Variants in HECW2 observed in about 807,000 individuals in gnomAD.
The protein encoded by HECW2 is HECT, C2 and WW domain containing E3 ubiquitin protein ligase 2.
In HECW2, 61 loss-of-function variants were observed where a neutral mutation model predicts 175.2. That is an observed-to-expected ratio of 0.35 (90% CI 0.28 to 0.43). The LOEUF (loss-of-function observed/expected upper bound fraction) is 0.43, where lower values mean the gene tolerates loss of function less well. HECW2 is among the 20% of genes least tolerant of loss of function. HECW2 has a pLI of 1.00. For missense variants in HECW2, 1,524 were observed against 2,000.5 expected, an observed-to-expected ratio of 0.76 and a Z score of 4.54; for synonymous variants, 671 against 731.0, an observed-to-expected ratio of 0.92 and a Z score of 1.32.
rs936884576 is a variant in HECW2 at position 196,258,090 on chromosome 2, T to A, written c.3336-184A>T. 7.1e-6 allele frequency: 4 copies of A among 560,692 alleles called. No homozygotes were observed. The African/African-American group carries it at 7.6e-5, about 11-fold the overall frequency. 34.7% of individuals were successfully genotyped at this position (560,692 alleles called of 1,614,324 possible). The stretch of plus-strand genomic sequence containing the variant: ...TGGTCTTTGCCTTCAAGGGGGGGGA[T>A]CTTGTAAGCATCAACACCTCCCAGT... On this transcript the variant is annotated intron_variant, in intron 17 of 28. Coordinates refer to ENST00000644978, the MANE Select transcript of HECW2 (RefSeq NM_001348768.2).
intron 3 of HECW2, among the ~76,000 whole-genome samples, chr2:196,343,001 A>G (rs1692815514): frequency 6.6e-6 from 1 of 150,950 alleles, no homozygotes; most frequent in Non-Finnish European, 1.5e-5. Context: ...TATACTATAT[A>G]TATTTTTGTA....
At chr2:196,488,456 TC>T (rs1687082270) in intron 1 of HECW2, among the ~76,000 whole-genome samples, 1 of 152,212 alleles carries the variant, frequency 6.6e-6, no homozygotes, top group Non-Finnish European at 1.5e-5. Flanking sequence ...GACAATGAGC[TC>T]TATTCCCTTT....
rs554048264 is a variant in HECW2 at position 196,224,780 on chromosome 2, A to C, written c.4016+992T>G. ...GTCAGTATAGACTAGTTTTTCAGGAAGCTTAAATGAGAAGATAAGAGATAA... is the reference window on the plus strand; with the variant it reads ...GTCAGTATAGACTAGTTTTTCAGGACGCTTAAATGAGAAGATAAGAGATAA... On this transcript the variant is annotated intron_variant, in intron 23 of 28. Coordinates refer to ENST00000644978, the MANE Select transcript of HECW2 (RefSeq NM_001348768.2). Among the ~76,000 whole-genome samples, 196 of 152,308 alleles carry C rather than the reference A, an allele frequency of 1.3e-3. 2 individuals carry two copies. The highest frequency in any genetic ancestry group is 4.4e-3 in the African/African-American group (184 of 41,568).
chr2:196,257,965 G>A, intron 17 of HECW2, 59 bp from the exon 18 acceptor site: 2 of 1,193,346 alleles, frequency 1.7e-6, no homozygotes, highest in Non-Finnish European at 2.5e-6. Flanking sequence ...CTATAACTCA[G>A]TAGTAAAGAG....
chr2:196,259,482 T>C (rs1332733106), intron 17 of HECW2, among the ~76,000 whole-genome samples: 1 of 152,220 alleles, frequency 6.6e-6, no homozygotes, highest in African/African-American at 2.4e-5. Context: ...GCTAGATCCA[T>C]TTTATATGAT....
chr2:196,491,362 A>G (rs578160373), intron 1 of HECW2, among the ~76,000 whole-genome samples: 2 of 60,002 alleles, frequency 3.3e-5, no homozygotes, highest in African/African-American at 1.2e-4. Flanking sequence ...ACAAAATCAT[A>G]TATATATACA....
chr2:196,318,581 G>T lies in HECW2; in HGVS notation c.2309C>A (p.Ala770Glu). 6.5e-7 allele frequency: 1 copy of T among 1,528,954 alleles called. No individual in the cohort carries two copies. The highest frequency in any genetic ancestry group is 8.8e-7 in the Non-Finnish European group (1 of 1,138,758). 94.7% of individuals were successfully genotyped at this position (1,528,954 alleles called of 1,614,324 possible). The change falls in exon 9 of 29, where the codon GCA becomes GAA. Residue 770 changes from alanine to glutamate, a missense_variant. Ala to Glu is a moderately radical substitution (Grantham distance 107). Coordinates refer to ENST00000644978, the MANE Select transcript of HECW2 (RefSeq NM_001348768.2). ...AGEAQGTCEG[A>E]TAQEEGATGG... ...AGTAGCGCCCTCCTCCTGGGCAGTT[G>T]CCCCTTCACAGGTGCCTTGGGCCTC...
chr2:196,376,379 C>T (rs1238447018), intron 2 of HECW2, among the ~76,000 whole-genome samples: 1 of 152,090 alleles, frequency 6.6e-6, no homozygotes, highest in Non-Finnish European at 1.5e-5. Context: ...GCCTGTAATC[C>T]CAGCACTTTG....
At chr2:196,276,387 T>C (rs767972110) in intron 15 of HECW2, among the ~76,000 whole-genome samples, 9 of 152,202 alleles carry the variant, frequency 5.9e-5, no homozygotes, top group African/African-American at 1.4e-4. Flanking sequence ...CTACTACTAC[T>C]AGACCATGAA....
chr2:196,547,029 C>T (rs1320352489), intron 1 of HECW2, among the ~76,000 whole-genome samples: 2 of 152,096 alleles, frequency 1.3e-5, no homozygotes, highest in Non-Finnish European at 2.9e-5. Flanking sequence ...CTCTACAATA[C>T]AGTATGAAGA....
intron 2 of HECW2, among the ~76,000 whole-genome samples, chr2:196,364,109 C>A (rs1455059787): frequency 6.6e-6 from 1 of 152,180 alleles, no homozygotes; most frequent in Non-Finnish European, 1.5e-5. Context: ...CTCTGAATCC[C>A]ACCTGAGGCT....
At chr2:196,349,474 T>C (rs939938313) in intron 2 of HECW2, among the ~76,000 whole-genome samples, 9 of 152,108 alleles carry the variant, frequency 5.9e-5, no homozygotes, top group African/African-American at 2.2e-4. Flanking sequence ...TTCATTCTCT[T>C]ACAAGTCTAG....
intron 1 of HECW2, among the ~76,000 whole-genome samples, chr2:196,497,719 T>C (rs1687445849): frequency 6.6e-6 from 1 of 152,106 alleles, no homozygotes; most frequent in African/African-American, 2.4e-5. Flanking sequence ...CCAAAAAAGC[T>C]AAAAATATTA....
intron 2 of HECW2, among the ~76,000 whole-genome samples, chr2:196,415,234 T>A (rs573371774): frequency 1.3e-5 from 2 of 152,202 alleles, no homozygotes; most frequent in Non-Finnish European, 2.9e-5. Flanking sequence ...AGGGTACTTA[T>A]ATTCCTCGGT....
chr2:196,531,658 T>C (rs1688844251), intron 1 of HECW2, among the ~76,000 whole-genome samples: 1 of 140,772 alleles, frequency 7.1e-6, no homozygotes, highest in African/African-American at 2.9e-5. Flanking sequence ...TGAGACTCTG[T>C]CTCAAAAAAA....
chr2:196,517,277 T>C (rs922915290), intron 1 of HECW2, among the ~76,000 whole-genome samples: 21 of 152,348 alleles, frequency 1.4e-4, no homozygotes, highest in African/African-American at 4.6e-4. Context: ...TAATTCCTTA[T>C]GAGGGTTCTT....
chr2:196,355,360 T>A (rs1306462302), intron 2 of HECW2, among the ~76,000 whole-genome samples: 4 of 152,236 alleles, frequency 2.6e-5, no homozygotes, highest in Non-Finnish European at 5.9e-5. Flanking sequence ...TGGTGAAGTA[T>A]GGCCAGCATT....
chr2:196,435,864 G>A (rs907742373), intron 1 of HECW2, among the ~76,000 whole-genome samples: 3 of 152,138 alleles, frequency 2.0e-5, no homozygotes, highest in Non-Finnish European at 4.4e-5. Flanking sequence ...AACAGTGTCT[G>A]GCATATAGTA....
At chr2:196,436,157 T>C (rs1213995167) in intron 1 of HECW2, among the ~76,000 whole-genome samples, 3 of 152,070 alleles carry the variant, frequency 2.0e-5, no homozygotes, top group Non-Finnish European at 4.4e-5. Context: ...TCCCAGCACT[T>C]TGGGAGGCCG....
Sources: gnomAD v4.1 joint callset for allele counts (sites outside exome capture counted in the v4.1 genomes callset) on GRCh38, gnomAD v4.1.1 for gene constraint, MANE v1.5 for transcripts, NCBI Gene and HGNC (gene_info 2026-07-23, HGNC 2026-07-21) for gene names.